Variants in ART1 observed in about 807,000 individuals in gnomAD.
ART1 encodes GPI-linked NAD(P)(+)--arginine ADP-ribosyltransferase 1.
Under a neutral mutation model 27.0 loss-of-function variants are expected in ART1, and 29 were observed. The ratio of observed to expected loss-of-function variants is 1.08; its 90% CI spans 0.80 to 1.47. The LOEUF (loss-of-function observed/expected upper bound fraction) is 1.47. ART1 is among the 40% of genes most tolerant of loss of function. ART1 has a pLI of 0.00. For missense variants in ART1, 480 were observed against 423.0 expected, an observed-to-expected ratio of 1.13 and a Z score of -1.18; for synonymous variants, 201 against 172.2, an observed-to-expected ratio of 1.17 and a Z score of -1.31.
At chr11:3,655,254 G>C (rs1442612840) in intron 1 of ART1, among the ~76,000 whole-genome samples, 3 of 152,220 alleles carry the variant, frequency 2.0e-5, no homozygotes, top group Non-Finnish European at 4.4e-5. Context: ...CAGACCCACA[G>C]ACAAGTACAT....
chr11:3,649,735 A>C lies in ART1; in HGVS notation c.-53+4556A>C, dbSNP rs538938623. Among the ~76,000 whole-genome samples, 12 of 152,260 alleles carry C rather than the reference A, an allele frequency of 7.9e-5. No individual in the cohort carries two copies. The South Asian group carries it at 2.5e-3, about 32-fold the overall frequency. On this transcript the variant is annotated intron_variant, in intron 1 of 4. Transcript: ENST00000250693. ...CCAACCTGCCCAGCAATTTCCTCTT[A>C]AAAAGGTGGCTGAAGCTAAAGGCGT... is the stretch of plus-strand genomic sequence containing the variant.
intron 4 of ART1, 26 bp from the exon 5 acceptor site, chr11:3,664,066 A>C: frequency 1.9e-5 from 30 of 1,609,062 alleles, no homozygotes; most frequent in Non-Finnish European, 2.5e-5. Context: ...TCTCTCCCCC[A>C]ACCTCTCTGC....
chr11:3,646,245 G>T (rs1433005983), intron 1 of ART1, among the ~76,000 whole-genome samples: 1 of 152,074 alleles, frequency 6.6e-6, no homozygotes, highest in Non-Finnish European at 1.5e-5. Context: ...AGGATATTGG[G>T]GCTGACTGTG....
rs2077601851 is a variant in ART1, at chr11:3,659,706, G to A, written c.187G>A (p.Asp63Asn). The A allele has an allele frequency of 6.2e-7, 1 of 1,613,988 alleles. No individual in the cohort carries two copies. The highest frequency in any genetic ancestry group is 1.3e-5 in the African/African-American group (1 of 75,042). ...CAAAMTAALP[D>N]LNHTEFQANQ... ...TGCTGCCATGACAGCTGCTCTCCCGGATCTCAACCACACGGAGTTCCAGGC... is the reference window on the plus strand; with the variant it reads ...TGCTGCCATGACAGCTGCTCTCCCGAATCTCAACCACACGGAGTTCCAGGC... Residue 63 changes from aspartate (D) to asparagine (N), a missense_variant, in exon 3 of 5, where the codon GAT (aspartate) becomes AAT (asparagine). By Grantham distance (23) the Asp-to-Asn change is conservative. Coordinates refer to ENST00000250693, the MANE Select transcript of ART1 (RefSeq NM_004314.3).
intron 1 of ART1, among the ~76,000 whole-genome samples, chr11:3,653,282 C>A (rs1384349651): frequency 3.4e-5 from 5 of 148,892 alleles, no homozygotes; most frequent in Admixed American, 2.6e-4. Context: ...CCTGCACATA[C>A]ACATCCAGAT....
At chr11:3,650,688 T>C (rs61878531) in intron 1 of ART1, among the ~76,000 whole-genome samples, 5 of 151,982 alleles carry the variant, frequency 3.3e-5, no homozygotes, top group African/African-American at 9.7e-5. Context: ...ACCTGCCCAG[T>C]TCCCTTATTA....
intron 4 of ART1, among the ~76,000 whole-genome samples, chr11:3,663,452 C>A (rs2077637916): frequency 6.6e-6 from 1 of 152,190 alleles, no homozygotes; most frequent in Non-Finnish European, 1.5e-5. Context: ...CCACTCTGAT[C>A]TTAAATCCAT....
intron 1 of ART1, among the ~76,000 whole-genome samples, chr11:3,651,920 T>C (rs1225141601): frequency 6.6e-6 from 1 of 150,518 alleles, no homozygotes; most frequent in Non-Finnish European, 1.5e-5. Flanking sequence ...GATTTATTGA[T>C]GGCAGCTCCA....
At chr11:3,663,653 C>T (rs1024113292) in intron 4 of ART1, among the ~76,000 whole-genome samples, 7 of 152,102 alleles carry the variant, frequency 4.6e-5, no homozygotes, top group Non-Finnish European at 1.5e-5. Context: ...GCAGTGGCAC[C>T]ACCACAGCTC....
At chr11:3,646,273 G>A (rs760392451) in intron 1 of ART1, among the ~76,000 whole-genome samples, 1 of 152,088 alleles carries the variant, frequency 6.6e-6, no homozygotes, top group African/African-American at 2.4e-5. Flanking sequence ...GGAGATCAGC[G>A]AGGAGGAAGG....
chr11:3,664,059 CT>C lies in ART1; in HGVS notation c.887-32del, dbSNP rs777730626. Reference sequence around the variant, plus strand: ...TAAATACCTCTTTTTTTCTCTCTCTCTCCCCCAACCTCTCTGCCTGTTTTCC... The same window carrying C: ...TAAATACCTCTTTTTTTCTCTCTCTCCCCCCAACCTCTCTGCCTGTTTTCC... On this transcript the variant is annotated intron_variant, in intron 4 of 4. Transcript: ENST00000250693. 3.1e-6 allele frequency: 5 copies of C among 1,605,444 alleles called. No homozygotes were observed. The East Asian group carries it at 1.1e-4, about 36-fold the overall frequency.
chr11:3,652,343 C>A (rs1185333930), intron 1 of ART1, among the ~76,000 whole-genome samples: 2 of 149,288 alleles, frequency 1.3e-5, no homozygotes, highest in Non-Finnish European at 2.9e-5. Flanking sequence ...TGAAAACAGA[C>A]CAGCCTTTAC....
rs559471254 is a variant in ART1 at position 3,656,411 on chromosome 11, C to T, written c.-52-2751C>T. On this transcript the variant is annotated intron_variant, in intron 1 of 4. Transcript: ENST00000250693. ...ATTTTTTAAATTTTTGAGACGGAGT[C>T]TCGCTCTGTCACCCAGGCTTGAGTG... Among the ~76,000 whole-genome samples the T allele has an allele frequency of 2.2e-4, 33 of 151,902 alleles. No individual in the cohort carries two copies. In the South Asian group the frequency reaches 2.5e-3, roughly 11 times the overall value.
chr11:3,651,090 A>C (rs975696699), intron 1 of ART1, among the ~76,000 whole-genome samples: 2 of 152,006 alleles, frequency 1.3e-5, no homozygotes, highest in African/African-American at 4.8e-5. Flanking sequence ...CGCCTTATCA[A>C]CCAAATTGTT....
intron 1 of ART1, among the ~76,000 whole-genome samples, chr11:3,652,580 G>A (rs1025702182): frequency 6.6e-6 from 1 of 152,100 alleles, no homozygotes; most frequent in Non-Finnish European, 1.5e-5. Context: ...CAGCCCATTT[G>A]AGCTCCTGTA....
chr11:3,660,211 G>A lies in ART1; in HGVS notation c.692G>A (p.Gly231Asp). 1.9e-6 allele frequency: 3 copies of A among 1,614,076 alleles called. No homozygotes were observed. Among genetic ancestry groups the A allele is most frequent in the Non-Finnish European group, 2.5e-6 (3 of 1,180,052 alleles). Reference sequence around the variant, plus strand: ...ACCTGCCTTGGGGCCCCTATCAAGGGCTACTCCTTCTTCCCTGGAGAGGAA... The same window carrying A: ...ACCTGCCTTGGGGCCCCTATCAAGGACTACTCCTTCTTCCCTGGAGAGGAA... ...IWTCLGAPIKGYSFFPGEEEV... is the reference protein window; with the variant it reads ...IWTCLGAPIKDYSFFPGEEEV... Residue 231 changes from glycine to aspartate, a missense_variant, in exon 3 of 5, where the codon GGC (glycine) becomes GAC (aspartate). Coordinates refer to ENST00000250693, the MANE Select transcript of ART1 (RefSeq NM_004314.3).
chr11:3,659,456 T>A, intron 2 of ART1, 127 bp from the exon 3 acceptor site: 1 of 1,361,856 alleles, frequency 7.3e-7, no homozygotes, highest in Non-Finnish European at 9.9e-7. Context: ...AGGTTCCCAA[T>A]CCCCTTCCCC....
chr11:3,661,556 ACAAT>A (rs1305544494), intron 4 of ART1, 143 bp downstream of exon 4: 6 of 600,210 alleles, frequency 1.0e-5, no homozygotes, highest in Admixed American at 4.1e-5. Context: ...GTGCAATGGC[ACAAT>A]CTCGGCTCAC....
At chr11:3,653,723 T>G (rs569211515) in intron 1 of ART1, among the ~76,000 whole-genome samples, 1 of 152,270 alleles carries the variant, frequency 6.6e-6, no homozygotes, top group Admixed American at 6.5e-5. Flanking sequence ...GTGTCATCCT[T>G]GATTTTTCCC....
Sources: gnomAD v4.1 joint callset for allele counts (sites outside exome capture counted in the v4.1 genomes callset) on GRCh38, gnomAD v4.1.1 for gene constraint, MANE v1.5 for transcripts, NCBI Gene and HGNC (gene_info 2026-07-23, HGNC 2026-07-21) for gene names.